COL14A1: variants seen among roughly 807,000 people sequenced by gnomAD.
COL14A1 encodes the protein collagen type XIV alpha 1 chain.
A neutral mutation model predicts 230.3 loss-of-function variants in COL14A1; 136 were observed. The ratio of observed to expected loss-of-function variants is 0.59; its 90% CI spans 0.51 to 0.68. The LOEUF (loss-of-function observed/expected upper bound fraction) is 0.68, where lower values mean the gene tolerates loss of function less well. COL14A1 is among the 30% of genes least tolerant of loss of function. COL14A1 has a pLI of 0.00. For synonymous variants in COL14A1, 792 were observed against 784.1 expected, an observed-to-expected ratio of 1.01 and a Z score of -0.17; for missense variants, 1,976 against 2,215.8, an observed-to-expected ratio of 0.89 and a Z score of 2.17.
Position 120,342,898 on chromosome 8 carries a change from C to A in COL14A1, c.4888+452C>A, listed in dbSNP as rs376089692. 7.2e-5 allele frequency among the ~76,000 whole-genome samples: 11 copies of A among 152,322 alleles called. No individual in the cohort carries two copies. The East Asian group carries it at 9.6e-4, about 13-fold the overall frequency. On this transcript the variant is annotated intron_variant, in intron 44 of 47. Coordinates refer to ENST00000297848, the MANE Select transcript of COL14A1 (RefSeq NM_021110.4). ...TATTTCCTTCTTATCCATTTCACAT[C>A]CATTACCTTCTGGCTAGCCTAAGGT... is the stretch of plus-strand genomic sequence containing the variant.
chr8:120,317,543 C>T lies in COL14A1; in HGVS notation c.4659+1546C>T, dbSNP rs143730330. Among the ~76,000 whole-genome samples the T allele has an allele frequency of 7.6e-3, 1,151 of 152,276 alleles. 17 individuals are homozygous for T. The highest frequency in any genetic ancestry group is 0.025 in the African/African-American group (1,056 of 41,550). ...AATATTTATATATTTTGGCAAAGGG[C>T]GTAGGCTAAGATCCTGTGTGGTTAC... On this transcript the variant is annotated intron_variant, in intron 40 of 47. Coordinates refer to ENST00000297848, the MANE Select transcript of COL14A1 (RefSeq NM_021110.4).
chr8:120,306,796 A>G (rs528110583), intron 36 of COL14A1, among the ~76,000 whole-genome samples: 2 of 152,334 alleles, frequency 1.3e-5, no homozygotes, highest in African/African-American at 4.8e-5. Context: ...TGAGGTAAAC[A>G]GTCTTGATTA....
chr8:120,359,064 CG>C, intron 45 of COL14A1, among the ~76,000 whole-genome samples: 1 of 150,416 alleles, frequency 6.6e-6, no homozygotes, highest in South Asian at 2.1e-4. Flanking sequence ...ATGTGTTTAT[CG>C]TTTTTTTTTT....
intron 45 of COL14A1, among the ~76,000 whole-genome samples, chr8:120,356,317 C>A (rs1258305750): frequency 2.0e-5 from 3 of 152,200 alleles, no homozygotes; most frequent in Non-Finnish European, 4.4e-5. Flanking sequence ...TGTTAATTGT[C>A]CAAGGTCACA....
chr8:120,160,012 A>C lies in COL14A1; in HGVS notation c.205+1766A>C, dbSNP rs193213455. Reference sequence around the variant, plus strand: ...CAGCCTGATATATCTTTCATTAAGAAATATTATCCGTAGACTCATTAGAAT... The same window carrying C: ...CAGCCTGATATATCTTTCATTAAGACATATTATCCGTAGACTCATTAGAAT... On this transcript the variant is annotated intron_variant, in intron 3 of 47. Transcript: ENST00000297848. Among the ~76,000 whole-genome samples the C allele has an allele frequency of 4.0e-4, 61 of 152,228 alleles. 1 individual carries two copies. In the Middle Eastern group the frequency reaches 0.027, roughly 68 times the overall value.
intron 5 of COL14A1, among the ~76,000 whole-genome samples, chr8:120,196,305 G>T (rs917720019): frequency 6.6e-6 from 1 of 152,086 alleles, no homozygotes; most frequent in Non-Finnish European, 1.5e-5. Flanking sequence ...GATTAAATAC[G>T]TGGCTGTAAT....
At chr8:120,263,672 C>A (rs1819412903) in intron 24 of COL14A1, among the ~76,000 whole-genome samples, 1 of 152,068 alleles carries the variant, frequency 6.6e-6, no homozygotes, top group Admixed American at 6.6e-5. Context: ...GTGTGCTTAA[C>A]TCAGTATGTT....
chr8:120,180,934 T>G (rs539071176), intron 5 of COL14A1, among the ~76,000 whole-genome samples: 1 of 152,204 alleles, frequency 6.6e-6, no homozygotes, highest in East Asian at 1.9e-4. Flanking sequence ...CTCGAACTCA[T>G]GACATGAAGT....
chr8:120,315,948 T>A lies in COL14A1; in HGVS notation c.4610T>A (p.Ile1537Asn). 1 of 1,613,806 alleles carries A rather than the reference T, an allele frequency of 6.2e-7. No homozygotes were observed. The highest frequency in any genetic ancestry group is 8.5e-7 in the Non-Finnish European group (1 of 1,179,948). The stretch of plus-strand genomic sequence containing the variant: ...TTTTGTCCCTGTTCTACACAGGGTA[T>A]CCCAGGAGGCGTTGGTTCACCAGGA... ...GDTGLPGPQG[I>N]PGGVGSPGRD... Residue 1537 changes from isoleucine to asparagine, a missense_variant, in exon 40 of 48, where the codon ATC (isoleucine) becomes AAC (asparagine). Around this residue, in one of 3 missense-constraint regions of COL14A1, gnomAD observed 1,791 missense variants for 2,019.5 expected, o/e 0.89. Coordinates refer to ENST00000297848, the MANE Select transcript of COL14A1 (RefSeq NM_021110.4).
chr8:120,226,979 A>G (rs1178910984), intron 16 of COL14A1, among the ~76,000 whole-genome samples: 1 of 152,160 alleles, frequency 6.6e-6, no homozygotes, highest in Non-Finnish European at 1.5e-5. Context: ...ATATATTTTC[A>G]GATTCTTTGA....
chr8:120,280,688 A>G (rs1478467941), intron 29 of COL14A1, 23 bp from the exon 30 acceptor site: 1 of 1,611,252 alleles, frequency 6.2e-7, no homozygotes, highest in South Asian at 1.1e-5. Flanking sequence ...TTAGAGTTTT[A>G]TTTTGTTTGT....
chr8:120,329,013 G>C (rs1821781274), intron 40 of COL14A1, among the ~76,000 whole-genome samples: 1 of 152,154 alleles, frequency 6.6e-6, no homozygotes, highest in African/African-American at 2.4e-5. Flanking sequence ...TGCTGGAAGA[G>C]TTTTAAAGCA....
chr8:120,244,227 T>C (rs1447319068), intron 20 of COL14A1, among the ~76,000 whole-genome samples: 1 of 152,212 alleles, frequency 6.6e-6, no homozygotes, highest in African/African-American at 2.4e-5. Context: ...TCTGTGGAAG[T>C]GAAGACTTGA....
In COL14A1 at chr8:120,233,534, A is replaced by G. The variant is rs183537319; in HGVS notation, c.2349+1916A>G. On this transcript the variant is annotated intron_variant, in intron 19 of 47. Coordinates refer to ENST00000297848, the MANE Select transcript of COL14A1 (RefSeq NM_021110.4). ...GGGGTCCAATTTCAGTTTTCTGCCT[A>G]TGCCTAGCCAGGTTTCCCAACACCA... 6.8e-3 allele frequency among the ~76,000 whole-genome samples: 1,035 copies of G among 152,254 alleles called. 11 individuals are homozygous for G. The highest frequency in any genetic ancestry group is 9.6e-3 in the Non-Finnish European group (655 of 68,020).
At chr8:120,199,627 A>G in intron 8 of COL14A1, 61 bp downstream of exon 8, 1 of 1,516,874 alleles carries the variant, frequency 6.6e-7, no homozygotes, top group Non-Finnish European at 8.9e-7. Context: ...ACTTAAAACA[A>G]TATGTAATGT....
Position 120,266,885 on chromosome 8 carries a change from TA to T in COL14A1, c.3073+6del. 6.2e-7 allele frequency: 1 copy of T among 1,607,920 alleles called. No individual in the cohort carries two copies. The highest frequency in any genetic ancestry group is 8.5e-7 in the Non-Finnish European group (1 of 1,174,816). ...CAACCATTCCACCAGCAAAAGAAGG[TA>T]AAAGAATAATAGAATAATTATCTGA... On this transcript the variant is annotated splice_donor_region_variant and intron_variant, in intron 25 of 47. Transcript: ENST00000297848.
intron 5 of COL14A1, among the ~76,000 whole-genome samples, chr8:120,169,463 G>C (rs1816030000): frequency 6.6e-6 from 1 of 151,838 alleles, no homozygotes; most frequent in African/African-American, 2.4e-5. Context: ...TTACTAGTGA[G>C]GTTGAACATT....
intron 7 of COL14A1, 69 bp from the exon 8 acceptor site, chr8:120,199,333 A>G: frequency 7.2e-7 from 1 of 1,388,332 alleles, no homozygotes; most frequent in Non-Finnish European, 9.5e-7. Context: ...TCTTGTGGTT[A>G]TATCTTGAAG....
chr8:120,363,662 T>C (rs1823306840), intron 45 of COL14A1, among the ~76,000 whole-genome samples: 1 of 152,234 alleles, frequency 6.6e-6, no homozygotes, highest in African/African-American at 2.4e-5. Flanking sequence ...CCAGTATTTA[T>C]TGGGCCACCT....
Sources: allele counts gnomAD v4.1 joint callset (sites outside exome capture counted in the v4.1 genomes callset), GRCh38; gene constraint gnomAD v4.1.1; regional missense constraint gnomAD v4.1.1; transcripts MANE v1.5; gene names NCBI Gene and HGNC (gene_info 2026-07-23, HGNC 2026-07-21).